SAMMSON: variants seen among roughly 807,000 people sequenced by gnomAD.
The protein encoded by SAMMSON is survival associated mitochondrial melanoma specific oncogenic non-coding RNA.
intron 3 of SAMMSON, among the ~76,000 whole-genome samples, chr3:70,024,255 A>G (rs187833504): frequency 2.3e-3 from 344 of 152,312 alleles, no homozygotes; most frequent in African/African-American, 8.0e-3. Flanking sequence ...TTTCACTGAT[A>G]TACGATGATA....
At chr3:70,270,640 C>G (rs2106671113) in intron 6 of SAMMSON, among the ~76,000 whole-genome samples, 1 of 152,214 alleles carries the variant, frequency 6.6e-6, no homozygotes, top group South Asian at 2.1e-4. Flanking sequence ...TGAGTGACTT[C>G]CTGGGATGGA....
At chr3:70,428,704 GAAATAGTTGTGGAGTGTATCTCT>G (rs1398923401) in intron 2 of SAMMSON, among the ~76,000 whole-genome samples, 1 of 152,128 alleles carries the variant, frequency 6.6e-6, no homozygotes, top group Non-Finnish European at 1.5e-5. Flanking sequence ...CCTGGCATTG[GAAATAGTTGTGGAGTGTATCTCT>G]AAACAGTGAT....
At chr3:70,033,604 A>G (rs543361696) in intron 3 of SAMMSON, among the ~76,000 whole-genome samples, 93 of 152,318 alleles carry the variant, frequency 6.1e-4, no homozygotes, top group African/African-American at 2.1e-3. Flanking sequence ...AGCCAGATAA[A>G]ATGCTTAGCA....
chr3:70,310,214 A>G (rs1405745781), intron 7 of SAMMSON, among the ~76,000 whole-genome samples: 1 of 152,156 alleles, frequency 6.6e-6, no homozygotes, highest in Non-Finnish European at 1.5e-5. Flanking sequence ...GATTCTGGAA[A>G]TACTTTTTGT....
intron 4 of SAMMSON, among the ~76,000 whole-genome samples, chr3:70,188,015 C>T (rs1412530855): frequency 6.6e-6 from 1 of 152,164 alleles, no homozygotes; most frequent in East Asian, 1.9e-4. Flanking sequence ...CCCCACCTTT[C>T]CCCTGGGGAG....
At chr3:70,157,561 TAG>T (rs1200969309) in intron 4 of SAMMSON, among the ~76,000 whole-genome samples, 1 of 151,916 alleles carries the variant, frequency 6.6e-6, no homozygotes, top group Non-Finnish European at 1.5e-5. Context: ...GCAGGAGAGG[TAG>T]AGACCTTTAG....
At chr3:70,145,499 T>C (rs1297356527) in intron 4 of SAMMSON, among the ~76,000 whole-genome samples, 2 of 152,086 alleles carry the variant, frequency 1.3e-5, no homozygotes, top group Admixed American at 6.6e-5. Flanking sequence ...TCATTAAAAA[T>C]GCTCTCTGAA....
chr3:70,132,068 A>G (rs961690227), intron 4 of SAMMSON, among the ~76,000 whole-genome samples: 1 of 152,136 alleles, frequency 6.6e-6, no homozygotes, highest in African/African-American at 2.4e-5. Context: ...CAGGGTAGGA[A>G]GTCAGACACA....
intron 7 of SAMMSON, among the ~76,000 whole-genome samples, chr3:70,298,255 G>A (rs1358118519): frequency 3.3e-5 from 5 of 152,044 alleles, no homozygotes; most frequent in Non-Finnish European, 7.4e-5. Flanking sequence ...TTCTGCCACT[G>A]GAGTTATTTT....
At chr3:70,104,942 A>G (rs1003844034) in intron 4 of SAMMSON, among the ~76,000 whole-genome samples, 1 of 152,138 alleles carries the variant, frequency 6.6e-6, no homozygotes, top group South Asian at 2.1e-4. Context: ...AGCCTCAACT[A>G]TTCTATTTAA....
chr3:70,113,151 A>T (rs1383744303), intron 4 of SAMMSON, among the ~76,000 whole-genome samples: 2 of 152,222 alleles, frequency 1.3e-5, no homozygotes, highest in Non-Finnish European at 2.9e-5. Flanking sequence ...GACACATATA[A>T]CAGCATATGG....
intron 4 of SAMMSON, among the ~76,000 whole-genome samples, chr3:70,086,650 G>A (rs1360653634): frequency 6.6e-6 from 1 of 152,166 alleles, no homozygotes; most frequent in Non-Finnish European, 1.5e-5. Context: ...GTCTCTTCTA[G>A]AACTGGCTTC....
At chr3:70,264,170 T>C (rs1701893400) in intron 6 of SAMMSON, among the ~76,000 whole-genome samples, 1 of 152,252 alleles carries the variant, frequency 6.6e-6, no homozygotes, top group African/African-American at 2.4e-5. Context: ...CATTTATTCA[T>C]TTTAAAATAT....
At chr3:70,331,251 C>T (rs1388210450) in intron 7 of SAMMSON, among the ~76,000 whole-genome samples, 1 of 152,106 alleles carries the variant, frequency 6.6e-6, no homozygotes, top group Non-Finnish European at 1.5e-5. Context: ...GATTTCCTGC[C>T]GATGTCAACC....
At chr3:70,410,905 C>A (rs550406076) in intron 2 of SAMMSON, among the ~76,000 whole-genome samples, 3 of 152,120 alleles carry the variant, frequency 2.0e-5, no homozygotes, top group Non-Finnish European at 1.5e-5. Flanking sequence ...AAATTGGCAT[C>A]TTTTACTTTA....
intron 6 of SAMMSON, among the ~76,000 whole-genome samples, chr3:70,290,730 C>T (rs1702228585): frequency 6.6e-6 from 1 of 152,146 alleles, no homozygotes; most frequent in Non-Finnish European, 1.5e-5. Context: ...GGCGTAGGAC[C>T]CTCCGAGCCA....
chr3:70,213,637 G>A (rs1000148601), intron 4 of SAMMSON, among the ~76,000 whole-genome samples: 1 of 152,068 alleles, frequency 6.6e-6, no homozygotes, highest in South Asian at 2.1e-4. Flanking sequence ...ACACTGTATA[G>A]AGAAAAAAAG....
At chr3:70,293,089 G>C (rs149626024) in intron 7 of SAMMSON, among the ~76,000 whole-genome samples, 1 of 138,950 alleles carries the variant, frequency 7.2e-6, no homozygotes, top group African/African-American at 2.6e-5. Flanking sequence ...ATTACATGAC[G>C]AGAAGAAAGA....
At chr3:70,085,606 A>T (rs1014218984) in intron 4 of SAMMSON, among the ~76,000 whole-genome samples, 1 of 152,026 alleles carries the variant, frequency 6.6e-6, no homozygotes, top group South Asian at 2.1e-4. Flanking sequence ...GAAGGAAGTC[A>T]CTCTTCCTCC....
Sources: allele counts gnomAD v4.1 joint callset (sites outside exome capture counted in the v4.1 genomes callset), GRCh38; gene constraint gnomAD v4.1.1; transcripts MANE v1.5; gene names NCBI Gene and HGNC (gene_info 2026-07-23, HGNC 2026-07-21).